Variants in FAM111B observed in about 807,000 individuals in gnomAD.
The protein encoded by FAM111B is FAM111 trypsin like peptidase B.
FAM111B carries 1 observed loss-of-function variant against 2.8 expected under a neutral mutation model. That is an observed-to-expected ratio of 0.36 (90% CI 0.13 to 1.70). The LOEUF is 1.70. FAM111B is among the 40% of genes most tolerant of loss of function. The pLI is 0.35. For synonymous variants in FAM111B, 297 were observed against 295.6 expected (o/e 1.00, Z -0.05); for missense variants, 882 against 878.9 (o/e 1.00, Z -0.04).
At chr11:59,116,756 A>G (rs554122308) in intron 3 of FAM111B, among the ~76,000 whole-genome samples, 8 of 152,212 alleles carry the variant, frequency 5.3e-5, no homozygotes, top group Non-Finnish European at 8.8e-5. Context: ...AGATATATTA[A>G]GTCAGATCCT....
At chr11:59,107,662 T>G (rs1240310479) in intron 1 of FAM111B, among the ~76,000 whole-genome samples, 1 of 152,026 alleles carries the variant, frequency 6.6e-6, no homozygotes, top group African/African-American at 2.4e-5. Flanking sequence ...GTGCCTGGAG[T>G]GTAGTGTGAG....
At chr11:59,109,794 T>C in intron 3 of FAM111B, 88 bp downstream of exon 3, 1 of 826,670 alleles carries the variant, frequency 1.2e-6, no homozygotes, top group East Asian at 2.7e-5. Flanking sequence ...TCTTAAACAA[T>C]GGTCGTTATA....
intron 3 of FAM111B, among the ~76,000 whole-genome samples, chr11:59,115,195 A>G (rs1859821071): frequency 6.6e-6 from 1 of 152,128 alleles, no homozygotes; most frequent in South Asian, 2.1e-4. Context: ...TCTTTATGCT[A>G]TTCTTCTTTC....
At chr11:59,120,783 T>C (rs1016279760) in intron 3 of FAM111B, among the ~76,000 whole-genome samples, 3 of 152,154 alleles carry the variant, frequency 2.0e-5, no homozygotes, top group African/African-American at 7.2e-5. Context: ...TTTAACTAAG[T>C]ATATCAACAA....
In FAM111B at chr11:59,126,052, C is replaced by T. The variant is rs763633510; in HGVS notation, c.1955C>T (p.Ser652Phe). 10 of 1,613,616 alleles carry T rather than the reference C, an allele frequency of 6.2e-6. No individual in the cohort carries two copies. The African/African-American group carries it at 1.2e-4, about 19-fold the overall frequency. ...DTCFSDGSSG[S>F]PVFNASGKLV... ...TGTTTCTCTGATGGGTCCTCAGGCT[C>T]CCCAGTGTTTAATGCATCTGGCAAA... Residue 652 changes from serine (S) to phenylalanine (F), a missense_variant, in exon 4 of 4, where the codon TCC becomes TTC. Coordinates refer to ENST00000343597, the MANE Select transcript of FAM111B (RefSeq NM_198947.4).
intron 3 of FAM111B, among the ~76,000 whole-genome samples, chr11:59,120,871 GT>G (rs1238996246): frequency 6.6e-6 from 1 of 152,186 alleles, no homozygotes; most frequent in Non-Finnish European, 1.5e-5. Flanking sequence ...AGGGGACACA[GT>G]TCAACCCATA....
chr11:59,114,714 C>G (rs1412110037), intron 3 of FAM111B, among the ~76,000 whole-genome samples: 1 of 152,164 alleles, frequency 6.6e-6, no homozygotes, highest in African/African-American at 2.4e-5. Context: ...TGGTACGTCA[C>G]AGGTACCAAG....
At chr11:59,121,928 A>G (rs1258693651) in intron 3 of FAM111B, among the ~76,000 whole-genome samples, 2 of 152,182 alleles carry the variant, frequency 1.3e-5, no homozygotes, top group Admixed American at 6.5e-5. Context: ...GTGGATCATG[A>G]GGTCAGGAGT....
In FAM111B at chr11:59,125,089, G is replaced by T. The variant is rs746009824; in HGVS notation, c.992G>T (p.Ser331Ile). ...CAAATTCTCCCACCTCAGGATCTAA[G>T]CCATTATATTAAAGATAAAACTCGC... ...REQILPPQDL[S>I]HYIKDKTRQT... Residue 331 changes from serine to isoleucine, a missense_variant, in exon 4 of 4, where the codon AGC (serine) becomes ATC (isoleucine). Coordinates refer to ENST00000343597, the MANE Select transcript of FAM111B (RefSeq NM_198947.4). 6 of 1,613,492 alleles carry T rather than the reference G, an allele frequency of 3.7e-6. No individual in the cohort carries two copies. The highest frequency in any genetic ancestry group is 2.7e-5 in the African/African-American group (2 of 74,870).
chr11:59,118,640 CTT>C (rs1859875166), intron 3 of FAM111B, among the ~76,000 whole-genome samples: 1 of 152,196 alleles, frequency 6.6e-6, no homozygotes, highest in East Asian at 1.9e-4. Flanking sequence ...TTTTTCTAGT[CTT>C]GGGAATTCAT....
intron 3 of FAM111B, among the ~76,000 whole-genome samples, chr11:59,123,303 A>G (rs1859951760): frequency 6.6e-6 from 1 of 152,212 alleles, no homozygotes; most frequent in East Asian, 1.9e-4. Context: ...ATTAGACAGA[A>G]TTTTATCTAT....
At chr11:59,124,050 T>G (rs1474566021) in intron 3 of FAM111B, 129 bp from the exon 4 acceptor site, 8 of 543,620 alleles carry the variant, frequency 1.5e-5, no homozygotes, top group Non-Finnish European at 2.1e-5. Context: ...ATTGATTTTT[T>G]CTCCATTATT....
chr11:59,126,229 A>G lies in FAM111B; in HGVS notation c.2132A>G (p.Glu711Gly), dbSNP rs867052454. Residue 711 changes from glutamate to glycine, a missense_variant, in exon 4 of 4, where the codon GAG becomes GGG. Physicochemically the swap from Glu to Gly is moderately conservative, Grantham distance 98. Coordinates refer to ENST00000343597, the MANE Select transcript of FAM111B (RefSeq NM_198947.4). ...AAATCATTAAATGATGAGAAACTTG[A>G]GACCTACGATGAAGAGAAAGGTAAA... is the stretch of plus-strand genomic sequence containing the variant. ...LYKSLNDEKLETYDEEKGKQE... is the reference protein window; with the variant it reads ...LYKSLNDEKLGTYDEEKGKQE... The G allele has an allele frequency of 6.2e-7, 1 of 1,602,192 alleles. No individual in the cohort carries two copies. The highest frequency in any genetic ancestry group is 1.4e-5 in the African/African-American group (1 of 73,996).
chr11:59,124,800 A>C lies in FAM111B; in HGVS notation c.703A>C (p.Ile235Leu). The C allele has an allele frequency of 6.2e-7, 1 of 1,613,918 alleles. No homozygotes were observed. Among genetic ancestry groups the C allele is most frequent in the Non-Finnish European group, 8.5e-7 (1 of 1,179,836 alleles). The change falls in exon 4 of 4, where the codon ATA (isoleucine) becomes CTA (leucine). Residue 235 changes from isoleucine to leucine, a missense_variant. By Grantham distance (5) the Ile-to-Leu change is conservative. Coordinates refer to ENST00000343597, the MANE Select transcript of FAM111B (RefSeq NM_198947.4). The stretch of plus-strand genomic sequence containing the variant: ...CAAGGATGGCCGTTTTCGGTCTGAC[A>C]TAGGTGAATTTGAATGGAAACTAAA... The part of the protein sequence containing the change: ...LCKDGRFRSD[I>L]GEFEWKLKEG...
rs775708679 is a variant in FAM111B, at chr11:59,125,813, T to C, written c.1716T>C (p.Gly572=). ...WRQISPQPST[G]LIYLIGHPEG... ...AGATTTCTCCTCAACCATCTACTGG[T>C]TTGATTTATTTAATTGGTCATCCTG... is the stretch of plus-strand genomic sequence containing the variant. Residue 572 remains glycine, a synonymous_variant, in exon 4 of 4, where the codon GGT becomes GGC. Transcript: ENST00000343597. 6.2e-7 allele frequency: 1 copy of C among 1,613,916 alleles called. No homozygotes were observed. The highest frequency in any genetic ancestry group is 1.3e-5 in the African/African-American group (1 of 75,038).
intron 3 of FAM111B, among the ~76,000 whole-genome samples, chr11:59,123,859 C>A (rs1260000424): frequency 6.6e-6 from 1 of 152,124 alleles, no homozygotes; most frequent in African/African-American, 2.4e-5. Flanking sequence ...TCTGGATATC[C>A]AGTTATTCTA....
In FAM111B at chr11:59,124,225, G is replaced by T. The variant is rs770514961; in HGVS notation, c.128G>T (p.Cys43Phe). ...QTHADTPVDH[C>F]LSGIRKCSST... ...CATGCTGACACACCTGTTGATCATT[G>T]TCTATCTGGCATAAGAAAGTGTAGC... The change falls in exon 4 of 4, where the codon TGT becomes TTT. Residue 43 changes from cysteine to phenylalanine, a missense_variant. By Grantham distance (205) the Cys-to-Phe change is radical. Transcript: ENST00000343597. 1 of 1,613,620 alleles carries T rather than the reference G, an allele frequency of 6.2e-7. No homozygotes were observed. The highest frequency in any genetic ancestry group is 8.5e-7 in the Non-Finnish European group (1 of 1,179,714).
At position 59,124,348 on chromosome 11, in the gene FAM111B, C is replaced by T. The variant is rs529407049; in HGVS notation, c.251C>T (p.Thr84Met). The change falls in exon 4 of 4, where the codon ACG becomes ATG. Residue 84 changes from threonine to methionine, a missense_variant. Physicochemically the swap from Thr to Met is moderately conservative, Grantham distance 81. Coordinates refer to ENST00000343597, the MANE Select transcript of FAM111B (RefSeq NM_198947.4). ...AATAAAGAATGTTGTTTCACCTTTA[C>T]GTTGAATGGAAACTCCAGAAAATTA... The part of the protein sequence containing the change: ...LNNKECCFTF[T>M]LNGNSRKLDR... 1.3e-4 allele frequency: 203 copies of T among 1,613,696 alleles called. 1 individual carries two copies. In the South Asian group the frequency reaches 1.6e-3, roughly 12 times the overall value.
rs770494090 is a variant in FAM111B, at chr11:59,125,518, A to T, written c.1421A>T (p.Asn474Ile). The change falls in exon 4 of 4, where the codon AAT becomes ATT. Residue 474 changes from asparagine to isoleucine, a missense_variant. Coordinates refer to ENST00000343597, the MANE Select transcript of FAM111B (RefSeq NM_198947.4). ...TGGGACAATAATGGAAACACAGGTA[A>T]TGCTACTTGCTTTGTCTTCAATGGT... ...MQWDNNGNTGNATCFVFNGGY... is the reference protein window; with the variant it reads ...MQWDNNGNTGIATCFVFNGGY... The T allele has an allele frequency of 1.2e-6, 2 of 1,613,974 alleles. No individual in the cohort carries two copies. The highest frequency in any genetic ancestry group is 1.7e-6 in the Non-Finnish European group (2 of 1,179,838).
Sources: allele counts gnomAD v4.1 joint callset (sites outside exome capture counted in the v4.1 genomes callset), GRCh38; gene constraint gnomAD v4.1.1; transcripts MANE v1.5; gene names NCBI Gene and HGNC (gene_info 2026-07-23, HGNC 2026-07-21).